DRICH1: variants seen among roughly 807,000 people sequenced by gnomAD.
The protein encoded by DRICH1 is aspartate-rich protein 1.
In DRICH1, 38 loss-of-function variants were observed where a neutral mutation model predicts 39.5. The ratio of observed to expected loss-of-function variants is 0.96; its 90% CI spans 0.74 to 1.26. The LOEUF (loss-of-function observed/expected upper bound fraction) is 1.26, where lower values mean the gene tolerates loss of function less well. Among genes scored for constraint, DRICH1 ranks in the 50% most tolerant of loss-of-function variants. The pLI is 0.00. For synonymous variants in DRICH1, 84 were observed against 99.5 expected (o/e 0.84, Z 0.93); for missense variants, 279 against 270.4 (o/e 1.03, Z -0.22).
intron 11 of DRICH1, among the ~76,000 whole-genome samples, chr22:23,609,373 T>C (rs545636978): frequency 1.9e-4 from 29 of 152,306 alleles, no homozygotes; most frequent in Admixed American, 3.9e-4. Flanking sequence ...GGGGGCATCA[T>C]ACTGAAAATA....
chr22:23,602,882 G>C, the DRICH1 span, among the ~76,000 whole-genome samples: 1 of 151,814 alleles, frequency 6.6e-6, no homozygotes, highest in East Asian at 1.9e-4. Context: ...CATTACAGTT[G>C]TCAAAAACAT....
At chr22:23,619,933 G>T (rs1927617258) in intron 5 of DRICH1, among the ~76,000 whole-genome samples, 1 of 152,164 alleles carries the variant, frequency 6.6e-6, no homozygotes, top group Non-Finnish European at 1.5e-5. Context: ...GCACACCACA[G>T]AATTCTGTCT....
At chr22:23,589,692 GTCC>G in the DRICH1 span, among the ~76,000 whole-genome samples, 30 of 152,102 alleles carry the variant, frequency 2.0e-4, no homozygotes, top group African/African-American at 7.2e-4. Flanking sequence ...ACTCTTGAGT[GTCC>G]TCCTTTCTGT....
chr22:23,624,999 T>C, intron 2 of DRICH1, 95 bp from the exon 3 acceptor site: 2 of 1,392,186 alleles, frequency 1.4e-6, no homozygotes, highest in Non-Finnish European at 2.0e-6. Flanking sequence ...TTCAGAAAAC[T>C]ACTTTTGAAA....
the DRICH1 span, among the ~76,000 whole-genome samples, chr22:23,584,134 GCAGCTGCAGCTCTCACCAC>G: frequency 1.1e-3 from 160 of 152,314 alleles, 1 homozygote; most frequent in Admixed American, 4.6e-3. Context: ...TCCAGCAGGT[GCAGCTGCAGCTCTCACCAC>G]CCAGGCTCAC....
chr22:23,623,484 A>C (rs1436823498), intron 3 of DRICH1, among the ~76,000 whole-genome samples: 1 of 152,220 alleles, frequency 6.6e-6, no homozygotes, highest in African/African-American at 2.4e-5. Flanking sequence ...AGCTGTCAAC[A>C]TAAAGATTCT....
At chr22:23,617,426 T>A in intron 7 of DRICH1, 149 bp downstream of exon 7, 1 of 900,528 alleles carries the variant, frequency 1.1e-6, no homozygotes, top group Non-Finnish European at 1.8e-6. Context: ...GGATTGGCAA[T>A]GCCTGCTTGT....
In DRICH1 at chr22:23,618,270, C is replaced by T. The variant is rs192232254; in HGVS notation, c.437-613G>A. On this transcript the variant is annotated intron_variant, in intron 6 of 11. Coordinates refer to ENST00000317749, the MANE Select transcript of DRICH1 (RefSeq NM_016449.4). ...CTGGGACTACAGGCACCCACCACCA[C>T]GTCTGGCTAATTTTTTTGTATTTTT... Among the ~76,000 whole-genome samples, 235 of 151,956 alleles carry T rather than the reference C, an allele frequency of 1.5e-3. 1 individual carries two copies. The highest frequency in any genetic ancestry group is 3.4e-3 in the Middle Eastern group (1 of 294).
chr22:23,593,978 A>AG, the DRICH1 span, among the ~76,000 whole-genome samples: 2 of 52,574 alleles, frequency 3.8e-5, no homozygotes, highest in South Asian at 1.0e-3. Flanking sequence ...ACTCTGTCTC[A>AG]AAAAAAAAAA....
chr22:23,587,758 T>A, the DRICH1 span, among the ~76,000 whole-genome samples: 1 of 152,216 alleles, frequency 6.6e-6, no homozygotes, highest in Non-Finnish European at 1.5e-5. Context: ...CCACCGTGCA[T>A]GCAGTGTGAC....
the DRICH1 span, among the ~76,000 whole-genome samples, chr22:23,592,620 G>A: frequency 6.6e-6 from 1 of 152,140 alleles, no homozygotes; most frequent in East Asian, 1.9e-4. Flanking sequence ...TGCACAGTGG[G>A]AAAGGAAGAT....
At chr22:23,593,483 G>T in the DRICH1 span, among the ~76,000 whole-genome samples, 11 of 152,214 alleles carry the variant, frequency 7.2e-5, no homozygotes, top group African/African-American at 2.6e-4. Context: ...TGGCCAACAT[G>T]GTGAAATCCC....
intron 1 of DRICH1, among the ~76,000 whole-genome samples, chr22:23,629,768 C>A (rs1293925885): frequency 2.0e-5 from 3 of 152,062 alleles, no homozygotes; most frequent in African/African-American, 4.8e-5. Context: ...CAGGTATGGG[C>A]CACCATGGCC....
chr22:23,602,616 C>T, the DRICH1 span, among the ~76,000 whole-genome samples: 1 of 150,812 alleles, frequency 6.6e-6, no homozygotes, highest in African/African-American at 2.5e-5. Context: ...ACCCAGGTGG[C>T]GGAGGTTGCA....
chr22:23,588,965 T>C, the DRICH1 span, among the ~76,000 whole-genome samples: 1 of 152,098 alleles, frequency 6.6e-6, no homozygotes, highest in Admixed American at 6.6e-5. Context: ...AGCAACATCA[T>C]GCTTCTGCCG....
chr22:23,610,884 T>C (rs1237616495), intron 11 of DRICH1, among the ~76,000 whole-genome samples: 2 of 151,160 alleles, frequency 1.3e-5, no homozygotes, highest in African/African-American at 4.9e-5. Context: ...TATTATTAGA[T>C]GGGCAAAATT....
At chr22:23,597,943 C>T in the DRICH1 span, among the ~76,000 whole-genome samples, 6 of 151,462 alleles carry the variant, frequency 4.0e-5, no homozygotes, top group South Asian at 2.1e-4. Context: ...ACATCCCACG[C>T]GGCAGCCTTG....
At chr22:23,596,379 C>T in the DRICH1 span, among the ~76,000 whole-genome samples, 2 of 152,050 alleles carry the variant, frequency 1.3e-5, no homozygotes, top group Non-Finnish European at 2.9e-5. Context: ...CCCACCTCAG[C>T]TTCGCAAGTA....
At chr22:23,611,634 G>A (rs1431501698) in intron 11 of DRICH1, among the ~76,000 whole-genome samples, 2 of 151,938 alleles carry the variant, frequency 1.3e-5, no homozygotes, top group Non-Finnish European at 2.9e-5. Flanking sequence ...CTCGTAATCC[G>A]CCCACCTTGC....
Sources: gnomAD v4.1 joint callset for allele counts (sites outside exome capture counted in the v4.1 genomes callset) on GRCh38, gnomAD v4.1.1 for gene constraint, MANE v1.5 for transcripts, NCBI Gene and HGNC (gene_info 2026-07-23, HGNC 2026-07-21) for gene names.